Variants in LMTK3 observed in about 807,000 individuals in gnomAD.
The protein encoded by LMTK3 is lemur tail kinase 3.
Under a neutral mutation model 116.7 loss-of-function variants are expected in LMTK3, and 27 were observed. The observed-to-expected ratio is 0.23, with a 90% CI of 0.17 to 0.32. The LOEUF (loss-of-function observed/expected upper bound fraction) is 0.32, where lower values mean the gene tolerates loss of function less well. Ranked by LOEUF, LMTK3 falls within the 10% of genes least tolerant of loss-of-function variation. The pLI is 1.00. For missense variants in LMTK3, 1,764 were observed against 2,068.5 expected (o/e 0.85, Z 2.86); for synonymous variants, 965 against 971.0 (o/e 0.99, Z 0.11).
At chr19:48,486,171 T>C (rs1972121059) in intron 14 of LMTK3, among the ~76,000 whole-genome samples, 1 of 141,802 alleles carries the variant, frequency 7.1e-6, no homozygotes, top group African/African-American at 2.7e-5. Context: ...GCCATTCTCC[T>C]GCCTCAGCCT....
rs2147534181 is a variant in LMTK3 at position 48,493,562 on chromosome 19, C to T, written c.4092+132G>A. ...AGCTCGGCCTCCCTTCAGGCCCCGC[C>T]CCACTCCAGCTCCGCCTCCCTCCAG... is the stretch of plus-strand genomic sequence containing the variant. On this transcript the variant is annotated intron_variant, in intron 12 of 14. Transcript: ENST00000600059. The T allele has an allele frequency of 1.4e-5, 18 of 1,298,690 alleles. No homozygotes were observed. In the South Asian group the frequency reaches 2.0e-4, roughly 14 times the overall value. 80.4% of individuals were successfully genotyped at this position (1,298,690 alleles called of 1,614,324 possible). A position where few individuals can be genotyped will look rare whatever the true frequency, so the allele number is the denominator to read the frequency against.
chr19:48,509,214 C>T (rs867897580), intron 4 of LMTK3, among the ~76,000 whole-genome samples: 1 of 140,592 alleles, frequency 7.1e-6, no homozygotes, highest in African/African-American at 2.5e-5. Context: ...GGTGGCGCGG[C>T]GGAGTGGTCA....
chr19:48,488,742 T>C (rs1329039814), intron 14 of LMTK3, among the ~76,000 whole-genome samples: 2 of 146,218 alleles, frequency 1.4e-5, no homozygotes, highest in Non-Finnish European at 3.0e-5. Flanking sequence ...ATTACACTTT[T>C]TTTTTTTTTT....
chr19:48,510,722 G>T (rs1453526121), intron 1 of LMTK3, 130 bp from the exon 2 acceptor site: 2 of 1,082,996 alleles, frequency 1.8e-6, no homozygotes, highest in Non-Finnish European at 2.6e-6. Flanking sequence ...CCTTGGCAGA[G>T]GTGCAGAGTG....
In LMTK3 at chr19:48,499,889, G is replaced by C. The variant is rs2147547576; in HGVS notation, c.1180C>G (p.Pro394Ala). The C allele has an allele frequency of 6.3e-7, 1 of 1,598,082 alleles. No homozygotes were observed. The highest frequency in any genetic ancestry group is 1.1e-5 in the South Asian group (1 of 88,522). The change falls in exon 11 of 15, where the codon CCA becomes GCA. Residue 394 changes from proline to alanine, a missense_variant. Around this residue, in one of 7 missense-constraint regions of LMTK3, gnomAD observed 271 missense variants for 478.2 expected, o/e 0.57. Transcript: ENST00000600059. The part of the protein sequence containing the change: ...WYDILQSCWR[P>A]PAQRPSASDL... ...GAGGCTGAAGGGCGCTGGGCAGGTG[G>C]CCGCCAGCAGGACTGAAGAATGTCA...
At chr19:48,512,868 TAC>T (rs564301716), upstream of LMTK3, among the ~76,000 whole-genome samples, 11 of 152,116 alleles carry the variant, frequency 7.2e-5, 1 homozygote, top group South Asian at 2.1e-3. Flanking sequence ...CATGCACATA[TAC>T]ACAGTCACAC....
intron 5 of LMTK3, among the ~76,000 whole-genome samples, chr19:48,504,059 G>C (rs1972522121): frequency 2.0e-5 from 3 of 152,076 alleles, no homozygotes; most frequent in South Asian, 2.1e-4. Flanking sequence ...GTAGAGACAG[G>C]GTTTCACCAT....
At position 48,499,377 on chromosome 19, in the gene LMTK3, C is replaced by T; in HGVS notation, c.1692G>A (p.Val564=). Residue 564 remains valine, a synonymous_variant, in exon 11 of 15, where the codon GTG becomes GTA. Transcript: ENST00000600059. ...PNDWDPLDPG[V]PAPQAPQAPS... Reference sequence around the variant, plus strand: ...GGGCCTGGGGGGCCTGAGGGGCGGGCACTCCTGGGTCCAGGGGGTCCCAGT... The same window carrying T: ...GGGCCTGGGGGGCCTGAGGGGCGGGTACTCCTGGGTCCAGGGGGTCCCAGT... 7.0e-7 allele frequency: 1 copy of T among 1,428,264 alleles called. No homozygotes were observed. The highest frequency in any genetic ancestry group is 9.2e-7 in the Non-Finnish European group (1 of 1,087,850). The allele number at this position is 1,428,264 out of a possible 1,614,324, so 88.5% of individuals were successfully genotyped here. A position where few individuals can be genotyped will look rare whatever the true frequency, so the allele number is the denominator to read the frequency against.
At chr19:48,505,110 T>TC (rs955991300) in intron 5 of LMTK3, among the ~76,000 whole-genome samples, 1 of 126,798 alleles carries the variant, frequency 7.9e-6, no homozygotes, top group African/African-American at 2.9e-5. Context: ...TCTCTTTTTT[T>TC]TTTTTTTTTT....
chr19:48,513,502 C>T (rs1043832593), upstream of LMTK3: 1 of 336,038 alleles, frequency 3.0e-6, no homozygotes, highest in Non-Finnish European at 5.6e-6. This position sits in a 1 kb window ranked among gnomAD's most constrained non-coding sequence, Gnocchi z 5.6. Flanking sequence ...GCCGCCGTCT[C>T]GGGGTCACAT....
In LMTK3 at chr19:48,498,367, G is replaced by A. The variant is rs892309802; in HGVS notation, c.2702C>T (p.Pro901Leu). 5 of 1,612,848 alleles carry A rather than the reference G, an allele frequency of 3.1e-6. No homozygotes were observed. In the African/African-American group the frequency reaches 4.0e-5, roughly 13 times the overall value. ...GRGPGNREKV[P>L]GLNRDPTVLG... is the part of the protein sequence containing the mutation. ...GACTGTCGGGTCCCTGTTCAGGCCC[G>A]GGACTTTCTCTCTGTTCCCGGGGCC... The change falls in exon 11 of 15, where the codon CCG becomes CTG. Residue 901 changes from proline to leucine, a missense_variant. Coordinates refer to ENST00000600059, the MANE Select transcript of LMTK3 (RefSeq NM_001388485.1).
At chr19:48,502,642 C>T (rs1029336132) in intron 6 of LMTK3, 61 bp from the exon 7 acceptor site, 7 of 1,498,456 alleles carry the variant, frequency 4.7e-6, no homozygotes, top group African/African-American at 1.4e-5. Context: ...CTAGTCGGCC[C>T]GGAGGCTGGA....
intron 12 of LMTK3, 118 bp downstream of exon 12, chr19:48,493,576 G>T: frequency 1.4e-6 from 1 of 726,534 alleles, no homozygotes; most frequent in East Asian, 1.5e-4. Flanking sequence ...CTCCAGCTCC[G>T]CCTCCCTCCA....
chr19:48,496,577 G>A (rs138007480), intron 11 of LMTK3, among the ~76,000 whole-genome samples: 1,845 of 152,294 alleles, frequency 0.012, 32 homozygotes, highest in African/African-American at 0.041. Flanking sequence ...GGGATTACAG[G>A]CATGAGCCAC....
At chr19:48,488,488 G>A (rs778612488) in intron 14 of LMTK3, among the ~76,000 whole-genome samples, 2 of 151,702 alleles carry the variant, frequency 1.3e-5, no homozygotes, top group African/African-American at 2.4e-5. Flanking sequence ...GCTTATAGTC[G>A]TCCGTGGCTC....
In LMTK3 at chr19:48,502,467, G is replaced by A; in HGVS notation, c.760C>T (p.Leu254=). The A allele has an allele frequency of 1.9e-6, 3 of 1,611,116 alleles. No individual in the cohort carries two copies. Among genetic ancestry groups the A allele is most frequent in the Non-Finnish European group, 2.5e-6 (3 of 1,179,128 alleles). ...TAGTTGTGGGAATGCAGGTGCGCCA[G>A]CCCGCGGGCGATCTCCAGGCCCATC... The part of the protein sequence containing the change: ...QRMGLEIARG[L]AHLHSHNYVH... Residue 254 remains leucine (L), a synonymous_variant, in exon 7 of 15, where the codon CTG becomes TTG. Coordinates refer to ENST00000600059, the MANE Select transcript of LMTK3 (RefSeq NM_001388485.1).
chr19:48,511,476 C>G, intron 1 of LMTK3, 25 bp downstream of exon 1: 1 of 1,245,812 alleles, frequency 8.0e-7, no homozygotes, highest in Non-Finnish European at 1.1e-6. Flanking sequence ...GGCCACCGGA[C>G]AGACTGATGG....
chr19:48,501,754 G>C (rs1215799541), intron 7 of LMTK3, among the ~76,000 whole-genome samples, 192 bp from the exon 8 acceptor site: 1 of 151,114 alleles, frequency 6.6e-6, no homozygotes, highest in Non-Finnish European at 1.5e-5. Context: ...CCCCACCCCT[G>C]GTTCCTCCAA....
chr19:48,491,593 T>C lies in LMTK3; in HGVS notation c.4093-54A>G. ...AGGGGACAAACCTTCACGTCCCATT[T>C]ACCGCATCCCCCAAAAGCAACAAAA... On this transcript the variant is annotated intron_variant, in intron 12 of 14. Transcript: ENST00000600059. The surrounding 1 kb of genome is among the most constrained non-coding windows in gnomAD (Gnocchi z 5.1). 1 of 1,287,844 alleles carries C rather than the reference T, an allele frequency of 7.8e-7. No individual in the cohort carries two copies. 79.8% of individuals were successfully genotyped at this position (1,287,844 alleles called of 1,614,324 possible). A position where few individuals can be genotyped will look rare whatever the true frequency, so the allele number is the denominator to read the frequency against.
Sources: allele counts gnomAD v4.1 joint callset (sites outside exome capture counted in the v4.1 genomes callset), GRCh38; gene constraint gnomAD v4.1.1; regional missense constraint gnomAD v4.1.1; non-coding constraint Gnocchi (gnomAD v3.1); transcripts MANE v1.5; gene names NCBI Gene and HGNC (gene_info 2026-07-23, HGNC 2026-07-21).